DDX60: variants seen among roughly 807,000 people sequenced by gnomAD.
DDX60 encodes probable ATP-dependent RNA helicase DDX60.
In DDX60, 165 loss-of-function variants were observed where a neutral mutation model predicts 212.8. That is an observed-to-expected ratio of 0.78 (90% CI 0.68 to 0.88). The LOEUF (loss-of-function observed/expected upper bound fraction) is 0.88. Among genes scored for constraint, DDX60 ranks in the 40% least tolerant of loss-of-function variants. The pLI is 0.00. For synonymous variants in DDX60, 703 were observed against 685.3 expected, an observed-to-expected ratio of 1.03 and a Z score of -0.40; for missense variants, 1,905 against 2,003.9, an observed-to-expected ratio of 0.95 and a Z score of 0.94.
chr4:168,264,441 G>A (rs1350333335), intron 22 of DDX60, among the ~76,000 whole-genome samples: 3 of 152,022 alleles, frequency 2.0e-5, no homozygotes, highest in Non-Finnish European at 4.4e-5. Flanking sequence ...CTCTTGTTAG[G>A]TATTACTTGA....
At chr4:168,223,851 A>G (rs905597153) in intron 35 of DDX60, among the ~76,000 whole-genome samples, 7 of 152,034 alleles carry the variant, frequency 4.6e-5, no homozygotes, top group African/African-American at 1.7e-4. Context: ...GGATCTTCCA[A>G]ATGTGTCTAG....
chr4:168,226,547 A>T (rs1733262002), intron 33 of DDX60, among the ~76,000 whole-genome samples: 1 of 152,108 alleles, frequency 6.6e-6, no homozygotes, highest in Non-Finnish European at 1.5e-5. Context: ...GTGGGTCCAT[A>T]GCAGGTGTGT....
intron 30 of DDX60, among the ~76,000 whole-genome samples, chr4:168,238,414 AGAGGG>A (rs1325402760): frequency 9.6e-4 from 61 of 63,440 alleles, no homozygotes; most frequent in African/African-American, 4.0e-3. Context: ...GGAGGGGAGG[AGAGGG>A]GAGGGAAGGG....
intron 1 of DDX60, among the ~76,000 whole-genome samples, chr4:168,311,989 T>C (rs1737153865): frequency 6.6e-6 from 1 of 152,120 alleles, no homozygotes; most frequent in Non-Finnish European, 1.5e-5. Flanking sequence ...AGAAAGAAAG[T>C]TACTGTGCAG....
chr4:168,306,441 C>T lies in DDX60; in HGVS notation c.544G>A (p.Val182Ile), dbSNP rs766872687. 9 of 1,614,150 alleles carry T rather than the reference C, an allele frequency of 5.6e-6. No individual in the cohort carries two copies. In the East Asian group the frequency reaches 2.0e-4, roughly 36 times the overall value. Residue 182 changes from valine (V) to isoleucine (I), a missense_variant, in exon 5 of 38, where the codon GTT becomes ATT. By Grantham distance (29) the Val-to-Ile change is conservative. Coordinates refer to ENST00000393743, the MANE Select transcript of DDX60 (RefSeq NM_017631.6). The stretch of plus-strand genomic sequence containing the variant: ...AGAAGGTATGCATAAAGGCAAAGAA[C>T]ATCAGATTCTTGCCCTGAGGAAAGT... ...VVLSSGQESDVLCLYAYLLPS... is the reference protein window; with the variant it reads ...VVLSSGQESDILCLYAYLLPS...
Position 168,273,275 on chromosome 4 carries a change from C to A in DDX60, c.2574+4G>T, listed in dbSNP as rs1487075893. ...TAACACACTTATTAATTAAAATACC[C>A]TACCTGACAGTTTAAGGCATCATGA... is the stretch of plus-strand genomic sequence containing the variant. On this transcript the variant is annotated splice_donor_region_variant and intron_variant, in intron 18 of 37. Coordinates refer to ENST00000393743, the MANE Select transcript of DDX60 (RefSeq NM_017631.6). 1 of 1,612,090 alleles carries A rather than the reference C, an allele frequency of 6.2e-7. No homozygotes were observed. The highest frequency in any genetic ancestry group is 1.3e-5 in the African/African-American group (1 of 74,932).
chr4:168,234,487 G>C (rs188970533), intron 33 of DDX60, among the ~76,000 whole-genome samples: 88 of 151,766 alleles, frequency 5.8e-4, no homozygotes, highest in Admixed American at 1.8e-3. Flanking sequence ...CTAATGGTCA[G>C]ATATTGTATT....
chr4:168,311,041 G>T lies in DDX60; in HGVS notation c.31C>A (p.Gln11Lys). Residue 11 changes from glutamine to lysine, a missense_variant, in exon 3 of 38, where the codon CAG (glutamine) becomes AAG (lysine). Transcript: ENST00000393743. MERNVLTTFS[Q>K]EMSQLILNEM... Reference sequence around the variant, plus strand: ...TTCAAAATTAACTGGGACATTTCCTGTGAAAATGTTGTAAGAACATTTCTT... The same window carrying T: ...TTCAAAATTAACTGGGACATTTCCTTTGAAAATGTTGTAAGAACATTTCTT... 6.3e-7 allele frequency: 1 copy of T among 1,580,412 alleles called. No homozygotes were observed. The highest frequency in any genetic ancestry group is 8.7e-7 in the Non-Finnish European group (1 of 1,152,962).
rs370888400 is a variant in DDX60, at chr4:168,221,962, C to T, written c.4825-81G>A. ...TTTCTTATGTGGTGCTTTGTAGATA[C>T]ATCCTTTAGTTACCATTTTTAAAGC... On this transcript the variant is annotated intron_variant, in intron 35 of 37. Transcript: ENST00000393743. 1.9e-5 allele frequency: 27 copies of T among 1,395,822 alleles called. No individual in the cohort carries two copies. The East Asian group carries it at 6.3e-4, about 32-fold the overall frequency. 86.5% of individuals were successfully genotyped at this position (1,395,822 alleles called of 1,614,324 possible). A position where few individuals can be genotyped will look rare whatever the true frequency, so the allele number is the denominator to read the frequency against.
intron 25 of DDX60, among the ~76,000 whole-genome samples, chr4:168,260,514 C>T (rs909565546): frequency 6.6e-6 from 1 of 152,140 alleles, no homozygotes; most frequent in Non-Finnish European, 1.5e-5. Flanking sequence ...TCATGGAAGA[C>T]AACTTGGCAG....
chr4:168,308,503 T>C (rs541037467), intron 3 of DDX60, among the ~76,000 whole-genome samples: 71 of 152,124 alleles, frequency 4.7e-4, no homozygotes, highest in African/African-American at 1.6e-3. Context: ...ATATATTTTA[T>C]GCTTAATCAA....
At chr4:168,316,175 C>G (rs1417565612) in intron 1 of DDX60, among the ~76,000 whole-genome samples, 1 of 152,164 alleles carries the variant, frequency 6.6e-6, no homozygotes, top group Non-Finnish European at 1.5e-5. Context: ...ACCCATGGTA[C>G]TTCGAATTTA....
chr4:168,273,150 A>T, intron 18 of DDX60, 129 bp downstream of exon 18: 1 of 978,840 alleles, frequency 1.0e-6, no homozygotes, highest in South Asian at 1.9e-5. Flanking sequence ...TTCTAAAAGT[A>T]TTTTGTCTTT....
chr4:168,314,407 G>T (rs996618231), intron 1 of DDX60, among the ~76,000 whole-genome samples: 2 of 151,924 alleles, frequency 1.3e-5, no homozygotes, highest in Admixed American at 6.6e-5. Flanking sequence ...AGATGAATAA[G>T]CATGATGCAG....
intron 1 of DDX60, among the ~76,000 whole-genome samples, chr4:168,317,197 TAC>T (rs914416442): frequency 6.0e-5 from 9 of 149,556 alleles, no homozygotes; most frequent in African/African-American, 1.5e-4. Context: ...TTAGGACACA[TAC>T]ACACACACAC....
chr4:168,291,127 G>T (rs949886581), intron 8 of DDX60, among the ~76,000 whole-genome samples: 1 of 151,930 alleles, frequency 6.6e-6, no homozygotes, highest in African/African-American at 2.4e-5. Flanking sequence ...GTAAACCATG[G>T]TACTAAAAGA....
rs747282936 is a variant in DDX60, at chr4:168,280,491, T to C, written c.1822A>G (p.Ile608Val). 5.6e-6 allele frequency: 9 copies of C among 1,614,174 alleles called. No homozygotes were observed. In the East Asian group the frequency reaches 1.6e-4, roughly 28 times the overall value. ...AAATTTTCTTTCAATTGCTCTTCAA[T>C]AGAAAATGACAAAGCATTCCACTTT... ...EQKWNALSFS[I>V]EEQLKENLHS... The change falls in exon 14 of 38, where the codon ATT becomes GTT. Residue 608 changes from isoleucine to valine, a missense_variant. Transcript: ENST00000393743.
chr4:168,304,039 T>C (rs1050198990), intron 5 of DDX60, among the ~76,000 whole-genome samples: 3 of 152,206 alleles, frequency 2.0e-5, no homozygotes, highest in African/African-American at 7.2e-5. Context: ...TATATAATAC[T>C]TGATCATGAT....
intron 6 of DDX60, among the ~76,000 whole-genome samples, chr4:168,294,238 A>C (rs1018498322): frequency 2.0e-5 from 3 of 152,202 alleles, no homozygotes; most frequent in Non-Finnish European, 2.9e-5. Context: ...TTAGATCCTC[A>C]CACCATATGC....
Sources: allele counts gnomAD v4.1 joint callset (sites outside exome capture counted in the v4.1 genomes callset), GRCh38; gene constraint gnomAD v4.1.1; transcripts MANE v1.5; gene names NCBI Gene and HGNC (gene_info 2026-07-23, HGNC 2026-07-21).